FLNB: variants seen among roughly 807,000 people sequenced by gnomAD.
FLNB encodes the protein filamin B.
Under a neutral mutation model 250.6 loss-of-function variants are expected in FLNB, and 111 were observed. That is an observed-to-expected ratio of 0.44 (90% CI 0.38 to 0.52). The LOEUF (loss-of-function observed/expected upper bound fraction) is 0.52. FLNB is among the 20% of genes least tolerant of loss of function. FLNB has a pLI of 0.00. For missense variants in FLNB, 2,869 were observed against 3,447.8 expected, an observed-to-expected ratio of 0.83 and a Z score of 4.20; for synonymous variants, 1,302 against 1,372.1, an observed-to-expected ratio of 0.95 and a Z score of 1.13.
chr3:58,151,276 CA>C (rs904278960), intron 38 of FLNB: 2 of 151,350 alleles, frequency 1.3e-5, no homozygotes, highest in South Asian at 4.2e-4. Flanking sequence ...CCTGTAATCC[CA>C]CCTACTCAGG....
chr3:58,146,672 C>T, intron 33 of FLNB, 148 bp from the exon 34 acceptor site: 2 of 781,464 alleles, frequency 2.6e-6, no homozygotes, highest in East Asian at 5.3e-5. Flanking sequence ...TTCATTCTGA[C>T]AGATGTCCCT....
chr3:58,057,130 C>T (rs1438510113), intron 1 of FLNB, among the ~76,000 whole-genome samples: 3 of 152,126 alleles, frequency 2.0e-5, no homozygotes, highest in Non-Finnish European at 4.4e-5. Context: ...CACGTGCCAC[C>T]ATGCCTGGTT....
Position 58,170,879 on chromosome 3 carries a change from T to C in FLNB, c.*117T>C. ...TGGGGCTGAAACCCCATCCCTAAAATATTGCTGTTGTAAAATGCCTTCAGA... is the reference window on the plus strand; with the variant it reads ...TGGGGCTGAAACCCCATCCCTAAAACATTGCTGTTGTAAAATGCCTTCAGA... On this transcript the variant is annotated 3_prime_UTR_variant, in exon 46 of 46. Coordinates refer to ENST00000295956, the MANE Select transcript of FLNB (RefSeq NM_001457.4). The C allele has an allele frequency of 2.2e-6, 2 of 921,270 alleles. No individual in the cohort carries two copies. Among genetic ancestry groups the C allele is most frequent in the Non-Finnish European group, 3.4e-6 (2 of 583,276 alleles). 57.1% of individuals were successfully genotyped at this position (921,270 alleles called of 1,614,324 possible). A position where few individuals can be genotyped will look rare whatever the true frequency, so the allele number is the denominator to read the frequency against.
At chr3:58,071,604 G>T (rs770111910) in intron 1 of FLNB, among the ~76,000 whole-genome samples, 3 of 152,176 alleles carry the variant, frequency 2.0e-5, no homozygotes, top group Non-Finnish European at 4.4e-5. Flanking sequence ...CAGTCACTTT[G>T]TTGGCTGTTT....
chr3:58,051,737 T>C (rs977385281), intron 1 of FLNB, among the ~76,000 whole-genome samples: 5 of 152,084 alleles, frequency 3.3e-5, no homozygotes, highest in African/African-American at 7.2e-5. Flanking sequence ...TGAAGTGATT[T>C]TTGTGAGTAA....
chr3:58,066,424 C>T (rs1165208310), intron 1 of FLNB, among the ~76,000 whole-genome samples: 2 of 151,962 alleles, frequency 1.3e-5, no homozygotes, highest in African/African-American at 4.8e-5. Context: ...TCACCGTGTT[C>T]ACCAGGCTGG....
At chr3:58,008,917 C>T (rs764767053) in intron 1 of FLNB, 61 bp downstream of exon 1, 270 of 1,594,930 alleles carry the variant, frequency 1.7e-4, no homozygotes, top group Non-Finnish European at 2.1e-4. Context: ...CGCGCGTGCA[C>T]CCCTGCGGAG....
intron 18 of FLNB, among the ~76,000 whole-genome samples, chr3:58,118,261 C>T (rs568223109): frequency 2.0e-5 from 3 of 152,206 alleles, no homozygotes; most frequent in African/African-American, 7.2e-5. Context: ...AGATATTGTG[C>T]GATGGTCTTA....
chr3:58,163,015 G>A (rs2097364235), intron 42 of FLNB, 139 bp from the exon 43 acceptor site: 6 of 832,248 alleles, frequency 7.2e-6, no homozygotes, highest in Non-Finnish European at 6.0e-6. Context: ...CTGAAATCCA[G>A]GATGCTGAGT....
chr3:58,010,459 C>T (rs975469573), intron 1 of FLNB, among the ~76,000 whole-genome samples: 3 of 152,190 alleles, frequency 2.0e-5, no homozygotes, highest in African/African-American at 7.2e-5. Context: ...AGCCCTCCCC[C>T]TCCCCAAGGG....
chr3:58,070,817 G>A (rs1213482347), intron 1 of FLNB, among the ~76,000 whole-genome samples: 9 of 151,694 alleles, frequency 5.9e-5, no homozygotes, highest in African/African-American at 1.2e-4. Context: ...ATGCCACCAC[G>A]CCCAGCAAAT....
At chr3:58,161,909 C>T (rs36053869) in intron 42 of FLNB, among the ~76,000 whole-genome samples, 11 of 152,176 alleles carry the variant, frequency 7.2e-5, no homozygotes, top group Non-Finnish European at 1.0e-4. Context: ...GTCTCCAGCA[C>T]GTCTGCCTTC....
intron 1 of FLNB, among the ~76,000 whole-genome samples, chr3:58,065,158 C>G (rs1006028876): frequency 6.6e-6 from 1 of 152,210 alleles, no homozygotes; most frequent in African/African-American, 2.4e-5. Context: ...ATGGTTCATA[C>G]GCTGCCTGTC....
At chr3:58,020,910 G>A (rs980660744) in intron 1 of FLNB, among the ~76,000 whole-genome samples, 1 of 152,006 alleles carries the variant, frequency 6.6e-6, no homozygotes, top group Non-Finnish European at 1.5e-5. Flanking sequence ...CAACAGGCAG[G>A]AACGGTGCTA....
Position 58,139,060 on chromosome 3 carries a change from T to A in FLNB, c.5109+531T>A, listed in dbSNP as rs368389683. Reference sequence around the variant, plus strand: ...ACCTCGTCTTTTGCAGCTAGGAACATCTGGAATAAAAGGAGGAAACCATTA... The same window carrying A: ...ACCTCGTCTTTTGCAGCTAGGAACAACTGGAATAAAAGGAGGAAACCATTA... On this transcript the variant is annotated intron_variant, in intron 29 of 45. Coordinates refer to ENST00000295956, the MANE Select transcript of FLNB (RefSeq NM_001457.4). 3.0e-4 allele frequency among the ~76,000 whole-genome samples: 46 copies of A among 152,284 alleles called. No individual in the cohort carries two copies. In the South Asian group the frequency reaches 4.1e-3, roughly 14 times the overall value.
At chr3:58,168,288 G>A (rs2097374379) in intron 43 of FLNB, 152 bp from the exon 44 acceptor site, 3 of 711,250 alleles carry the variant, frequency 4.2e-6, no homozygotes, top group Non-Finnish European at 7.6e-6. Context: ...GGTTCTCTCT[G>A]CCAGAAGTTC....
intron 8 of FLNB, among the ~76,000 whole-genome samples, chr3:58,100,438 G>A (rs2097248775): frequency 6.9e-6 from 1 of 144,598 alleles, no homozygotes; most frequent in South Asian, 2.2e-4. Flanking sequence ...TTTTGGGCTG[G>A]AGTGCAGTGG....
rs781590160 is a variant in FLNB, at chr3:58,127,847, TTTTA to T, written c.4222+1097_4222+1100del. ...CTCAAATGATTGTCACCCCCACACA[TTTTA>T]TTTATTTATTTCAATAGCTTTGGGG... is the stretch of plus-strand genomic sequence containing the variant. On this transcript the variant is annotated intron_variant, in intron 24 of 45. Transcript: ENST00000295956. 4.9e-4 allele frequency among the ~76,000 whole-genome samples: 74 copies of T among 152,270 alleles called. 2 individuals are homozygous for T. In the Middle Eastern group the frequency reaches 0.01, roughly 21 times the overall value.
intron 19 of FLNB, 63 bp downstream of exon 19, chr3:58,119,052 AT>A: frequency 8.3e-7 from 1 of 1,206,080 alleles, no homozygotes; most frequent in Non-Finnish European, 1.2e-6. Context: ...TGCTGGTTAG[AT>A]TTTCTTCAAA....
Sources: gnomAD v4.1 joint callset for allele counts (sites outside exome capture counted in the v4.1 genomes callset) on GRCh38, gnomAD v4.1.1 for gene constraint, MANE v1.5 for transcripts, NCBI Gene and HGNC (gene_info 2026-07-23, HGNC 2026-07-21) for gene names.